The following ELAVL2 variants were observed in gnomAD, a reference collection of about 807,000 sequenced individuals.
ELAVL2 encodes the protein ELAV-like protein 2.
ELAVL2 carries 4 observed loss-of-function variants against 34.6 expected under a neutral mutation model. The ratio of observed to expected loss-of-function variants is 0.12; its 90% confidence interval spans 0.06 to 0.26. ELAVL2 has a LOEUF of 0.26. Ranked by LOEUF, ELAVL2 falls within the 10% of genes least tolerant of loss-of-function variation. The pLI is 1.00. For missense variants in ELAVL2, 432 were observed against 442.8 expected, an observed-to-expected ratio of 0.98 and a Z score of 0.22; for synonymous variants, 193 against 154.8, an observed-to-expected ratio of 1.25 and a Z score of -1.83.
chr9:23,746,614 G>A (rs527552873), intron 2 of ELAVL2, among the ~76,000 whole-genome samples: 2 of 151,876 alleles, frequency 1.3e-5, no homozygotes, highest in Non-Finnish European at 2.9e-5. Context: ...ACTTTACTTC[G>A]GTTCCTTACT....
intron 1 of ELAVL2, among the ~76,000 whole-genome samples, chr9:23,767,188 A>G (rs1564366683): frequency 6.6e-6 from 1 of 152,204 alleles, no homozygotes. Flanking sequence ...ACACACAGGT[A>G]CTTCCAAAAA....
chr9:23,801,095 G>A (rs1420922542), intron 1 of ELAVL2, among the ~76,000 whole-genome samples: 1 of 152,038 alleles, frequency 6.6e-6, no homozygotes, highest in Non-Finnish European at 1.5e-5. Context: ...ATTTCAATTT[G>A]GAGCTACCTA....
At chr9:23,845,652 G>C in the ELAVL2 span, among the ~76,000 whole-genome samples, 2 of 151,398 alleles carry the variant, frequency 1.3e-5, no homozygotes, top group African/African-American at 4.8e-5. Flanking sequence ...TAGTAATGAG[G>C]TTTAAACATG....
intron 1 of ELAVL2, among the ~76,000 whole-genome samples, chr9:23,776,996 G>T (rs949059304): frequency 6.6e-6 from 1 of 152,158 alleles, no homozygotes; most frequent in African/African-American, 2.4e-5. Context: ...GAATTGCTCA[G>T]AGAGTTTTCC....
At chr9:23,829,080 A>G (rs1018126168), upstream of ELAVL2, among the ~76,000 whole-genome samples, 2 of 152,250 alleles carry the variant, frequency 1.3e-5, no homozygotes, top group African/African-American at 4.8e-5. Context: ...ATTAGAAAGT[A>G]TTTAAAAGAC....
chr9:23,788,046 G>A (rs1294996903), intron 1 of ELAVL2, among the ~76,000 whole-genome samples: 1 of 152,120 alleles, frequency 6.6e-6, no homozygotes, highest in Non-Finnish European at 1.5e-5. Context: ...CTGAGAGAAT[G>A]AACTACAGGT....
chr9:23,739,734 G>C (rs1055174943), intron 2 of ELAVL2, among the ~76,000 whole-genome samples: 1 of 152,004 alleles, frequency 6.6e-6, no homozygotes, highest in African/African-American at 2.4e-5. Flanking sequence ...GCTGTTGCTT[G>C]TGCGACCAGC....
chr9:23,790,573 A>T (rs2060213260), intron 1 of ELAVL2, among the ~76,000 whole-genome samples: 1 of 152,172 alleles, frequency 6.6e-6, no homozygotes. Flanking sequence ...GAAAGCTAAA[A>T]GGCTCACTGC....
At chr9:23,705,826 GGTATGGGTCCA>G (rs2039146991) in intron 3 of ELAVL2, among the ~76,000 whole-genome samples, 1 of 152,164 alleles carries the variant, frequency 6.6e-6, no homozygotes, top group Non-Finnish European at 1.5e-5. Context: ...GCCACGGACT[GGTATGGGTCCA>G]TGGCCAGGGG....
intron 1 of ELAVL2, among the ~76,000 whole-genome samples, chr9:23,810,752 T>C (rs1237476548): frequency 2.6e-5 from 4 of 152,126 alleles, no homozygotes; most frequent in Non-Finnish European, 4.4e-5. Flanking sequence ...CTGAGCTTCA[T>C]TTTCCTCACC....
At chr9:23,734,262 T>C (rs2047290866) in intron 2 of ELAVL2, among the ~76,000 whole-genome samples, 1 of 152,184 alleles carries the variant, frequency 6.6e-6, no homozygotes, top group Non-Finnish European at 1.5e-5. Context: ...ATTAAGGGTA[T>C]CGCAGATGAT....
At chr9:23,806,065 T>TTTA (rs141039254) in intron 1 of ELAVL2, among the ~76,000 whole-genome samples, 2,889 of 152,280 alleles carry the variant, frequency 0.019, 92 homozygotes, top group African/African-American at 0.062. Context: ...GAAATAGCAC[T>TTTA]TTAATAAAGT....
At chr9:23,735,888 G>C (rs994937164) in intron 2 of ELAVL2, among the ~76,000 whole-genome samples, 3 of 152,206 alleles carry the variant, frequency 2.0e-5, no homozygotes, top group Non-Finnish European at 4.4e-5. Context: ...AGCAAGGAGA[G>C]GAAAACAGGA....
Position 23,826,132 on chromosome 9 carries a change from G to GT in ELAVL2, c.-343dup, listed in dbSNP as rs1003697813. ...GAACAAAGAAAAGAGACGAAAGAAC[G>GT]TTTTTTCAAAAAGACGATGTCTTTC... On this transcript the variant is annotated 5_prime_UTR_variant, in exon 1 of 7. Coordinates refer to ENST00000397312, the MANE Select transcript of ELAVL2 (RefSeq NM_004432.5). The GT allele has an allele frequency of 6.6e-5, 10 of 152,170 alleles. No homozygotes were observed. Among genetic ancestry groups the GT allele is most frequent in the African/African-American group, 2.4e-4 (10 of 41,444 alleles). The allele number at this position is 152,170 out of a possible 1,614,324, so 9.4% of individuals were successfully genotyped here.
In ELAVL2 at chr9:23,690,407, A is replaced by AT. The variant is rs199976083; in HGVS notation, c.*2149dup. On this transcript the variant is annotated 3_prime_UTR_variant, in exon 7 of 7. Coordinates refer to ENST00000397312, the MANE Select transcript of ELAVL2 (RefSeq NM_004432.5). ...GTTTTCCCTTGAGGGAAACCTTATT[A>AT]TTTTTTTTTAAGTATATACATGTAT... 531 of 151,708 alleles carry AT rather than the reference A, an allele frequency of 3.5e-3. 2 individuals carry two copies. Among genetic ancestry groups the AT allele is most frequent in the African/African-American group, 5.8e-3 (240 of 41,250 alleles). The allele number at this position is 151,708 out of a possible 1,614,324, so 9.4% of individuals were successfully genotyped here. A position where few individuals can be genotyped will look rare whatever the true frequency, so the allele number is the denominator to read the frequency against.
At chr9:23,825,073 A>G (rs2065213411) in intron 1 of ELAVL2, among the ~76,000 whole-genome samples, 3 of 152,198 alleles carry the variant, frequency 2.0e-5, no homozygotes, top group African/African-American at 7.2e-5. Context: ...TTTTCTGAAC[A>G]AAGGGAATCT....
chr9:23,730,296 T>C (rs1230142403), intron 3 of ELAVL2, among the ~76,000 whole-genome samples: 2 of 152,134 alleles, frequency 1.3e-5, no homozygotes, highest in Admixed American at 6.6e-5. Context: ...CAGCAAAGTA[T>C]GTACAAAGTT....
chr9:23,706,021 G>A (rs774843743), intron 3 of ELAVL2, among the ~76,000 whole-genome samples: 1 of 152,138 alleles, frequency 6.6e-6, no homozygotes. Context: ...GATATATGCT[G>A]TATGATTGTC....
At chr9:23,756,904 G>A (rs1451802782) in intron 2 of ELAVL2, among the ~76,000 whole-genome samples, 1 of 152,092 alleles carries the variant, frequency 6.6e-6, no homozygotes, top group Admixed American at 6.6e-5. Flanking sequence ...CCTGGACAGA[G>A]CCCAGGACCG....
Sources: allele counts gnomAD v4.1 joint callset (sites outside exome capture counted in the v4.1 genomes callset), GRCh38; gene constraint gnomAD v4.1.1; transcripts MANE v1.5; gene names NCBI Gene and HGNC (gene_info 2026-07-23, HGNC 2026-07-21).